BANP: variants seen among roughly 807,000 people sequenced by gnomAD.
The protein encoded by BANP is BTG3 associated nuclear protein.
BANP carries 11 observed loss-of-function variants against 68.1 expected under a neutral mutation model. The ratio of observed to expected loss-of-function variants is 0.16; its 90% CI spans 0.10 to 0.27. The LOEUF (loss-of-function observed/expected upper bound fraction) is 0.27. Ranked by LOEUF, BANP falls within the 10% of genes least tolerant of loss-of-function variation. The pLI is 1.00. For synonymous variants in BANP, 329 were observed against 303.2 expected (o/e 1.09, Z -0.88); for missense variants, 504 against 722.7 (o/e 0.70, Z 3.47).
intron 7 of BANP, among the ~76,000 whole-genome samples, chr16:88,019,498 C>G (rs2075392585): frequency 1.4e-5 from 2 of 147,080 alleles, no homozygotes; most frequent in African/African-American, 2.5e-5. Context: ...CGAAACAGGG[C>G]GAGCGAGGCA....
At chr16:88,067,054 ACACTCG>A (rs1318212292) in intron 12 of BANP, among the ~76,000 whole-genome samples, 1 of 152,044 alleles carries the variant, frequency 6.6e-6, no homozygotes, top group African/African-American at 2.4e-5. Flanking sequence ...ATAGGAATGC[ACACTCG>A]CTCTCTTTTT....
chr16:88,033,768 C>A (rs915879737), intron 9 of BANP, among the ~76,000 whole-genome samples: 1 of 152,198 alleles, frequency 6.6e-6, no homozygotes, highest in Non-Finnish European at 1.5e-5. Flanking sequence ...CTGCCTTGCC[C>A]GTGCGGAGTT....
At chr16:88,024,232 C>G (rs575674061) in intron 7 of BANP, among the ~76,000 whole-genome samples, 4 of 152,130 alleles carry the variant, frequency 2.6e-5, no homozygotes, top group Non-Finnish European at 5.9e-5. Context: ...CAGTGAGGGC[C>G]GCTGCTTCTT....
chr16:88,046,372 G>A (rs1240440063), intron 11 of BANP, among the ~76,000 whole-genome samples: 1 of 152,196 alleles, frequency 6.6e-6, no homozygotes, highest in African/African-American at 2.4e-5. Context: ...CCTCATCGCT[G>A]TAAAGCAATC....
chr16:88,030,867 C>T (rs1185261231), intron 8 of BANP, among the ~76,000 whole-genome samples: 4 of 152,152 alleles, frequency 2.6e-5, no homozygotes, highest in South Asian at 2.1e-4. Flanking sequence ...GTCATGGTGG[C>T]AGTGGGCTGG....
At chr16:88,020,123 A>C (rs6540154) in intron 7 of BANP, among the ~76,000 whole-genome samples, 148,142 of 152,314 alleles carry the variant, frequency 0.97, 72,166 homozygotes, top group East Asian at 1. Flanking sequence ...AAGCAGGTCA[A>C]GAGGATCAGA....
intron 7 of BANP, among the ~76,000 whole-genome samples, chr16:88,026,988 A>G (rs1224859332): frequency 6.6e-6 from 1 of 152,202 alleles, no homozygotes; most frequent in Non-Finnish European, 1.5e-5. Flanking sequence ...ATCCAGGGGG[A>G]TGGTGAAGCC....
intron 3 of BANP, among the ~76,000 whole-genome samples, chr16:87,981,486 A>G (rs1334201924): frequency 1.3e-5 from 2 of 152,104 alleles, no homozygotes; most frequent in African/African-American, 2.4e-5. Flanking sequence ...GGTTGATCTC[A>G]TTGACTAAAT....
chr16:88,058,495 A>T (rs1286330512), intron 11 of BANP, among the ~76,000 whole-genome samples: 2 of 152,242 alleles, frequency 1.3e-5, no homozygotes, highest in East Asian at 3.9e-4. Flanking sequence ...GTCATTTCTG[A>T]TCCACAGACC....
In BANP at chr16:88,036,622, G is replaced by A. The variant is rs1412895600; in HGVS notation, c.1272+1228G>A. ...CACATGCGTAAGGGTTCTGAGGGCG[G>A]AATGAGGATGAGGTGAAAGGGGAGG... On this transcript the variant is annotated intron_variant, in intron 10 of 13. Transcript: ENST00000682872. The surrounding 1 kb of genome is among the most constrained non-coding windows in gnomAD (Gnocchi z 4.2). 1.3e-5 allele frequency among the ~76,000 whole-genome samples: 2 copies of A among 152,156 alleles called. No homozygotes were observed. Among genetic ancestry groups the A allele is most frequent in the African/African-American group, 4.8e-5 (2 of 41,424 alleles).
intron 10 of BANP, 162 bp from the exon 11 acceptor site, chr16:88,037,811 T>C: frequency 1.5e-6 from 1 of 651,832 alleles, no homozygotes; most frequent in South Asian, 1.8e-5. Flanking sequence ...GTCAATATTT[T>C]GTTTTGGGGC....
At chr16:88,021,733 G>C (rs1283546277) in intron 7 of BANP, among the ~76,000 whole-genome samples, 1 of 152,206 alleles carries the variant, frequency 6.6e-6, no homozygotes, top group Non-Finnish European at 1.5e-5. Context: ...AGTGGAATTG[G>C]CCGCATTGCC....
chr16:88,027,661 T>A lies in BANP; in HGVS notation c.1063+11T>A. The A allele has an allele frequency of 6.2e-7, 1 of 1,612,660 alleles. No individual in the cohort carries two copies. The highest frequency in any genetic ancestry group is 8.5e-7 in the Non-Finnish European group (1 of 1,179,744). On this transcript the variant is annotated intron_variant, in intron 8 of 13. Transcript: ENST00000682872. ...CCTACTGCCCTTCAGGTAGGCCTCG[T>A]GCTGCAGGAGAGGCCGCCCTCCCCC...
At chr16:88,012,161 C>T (rs2073322895) in intron 6 of BANP, among the ~76,000 whole-genome samples, 3 of 152,242 alleles carry the variant, frequency 2.0e-5, no homozygotes, top group Admixed American at 2.0e-4. Context: ...AGTTATGGTT[C>T]ATCACGTCCT....
intron 11 of BANP, among the ~76,000 whole-genome samples, chr16:88,048,912 G>A (rs976654722): frequency 6.6e-6 from 1 of 152,192 alleles, no homozygotes; most frequent in African/African-American, 2.4e-5. Flanking sequence ...CAGTGTCTTC[G>A]TCAGGTGTGG....
rs1311098769 is a variant in BANP at position 88,068,964 on chromosome 16, GTGCACCCAGCCCAGCCCCCTGCCCC to G, written c.1378-3087_1378-3063del. Reference sequence around the variant, plus strand: ...TGCTCTCTCTTTCCTGCCCCTGTCCGTGCACCCAGCCCAGCCCCCTGCCCCTGCACCCAGCCCAGCCCAGCCCCCT... The same window carrying G: ...TGCTCTCTCTTTCCTGCCCCTGTCCGTGCACCCAGCCCAGCCCAGCCCCCT... On this transcript the variant is annotated intron_variant, in intron 12 of 13. Transcript: ENST00000682872. Among the ~76,000 whole-genome samples the G allele has an allele frequency of 9.9e-5, 15 of 151,714 alleles. No individual in the cohort carries two copies. In the South Asian group the frequency reaches 2.3e-3, roughly 23 times the overall value.
At chr16:88,024,616 G>A (rs542734679) in intron 7 of BANP, among the ~76,000 whole-genome samples, 1 of 152,328 alleles carries the variant, frequency 6.6e-6, no homozygotes, top group East Asian at 1.9e-4. Flanking sequence ...TGCGGGCGGC[G>A]CCTGCACCCG....
chr16:88,076,291 G>T (rs562556784), intron 13 of BANP, among the ~76,000 whole-genome samples: 1 of 152,174 alleles, frequency 6.6e-6, no homozygotes, highest in Non-Finnish European at 1.5e-5. Flanking sequence ...CAGCGGGTTG[G>T]GGGTGGAGAG....
intron 1 of BANP, among the ~76,000 whole-genome samples, chr16:87,964,108 C>T (rs2059638450): frequency 6.6e-6 from 1 of 152,224 alleles, no homozygotes; most frequent in Non-Finnish European, 1.5e-5. Context: ...TTAATTATAG[C>T]ACAGTCCTTA....
Sources: allele counts gnomAD v4.1 joint callset (sites outside exome capture counted in the v4.1 genomes callset), GRCh38; gene constraint gnomAD v4.1.1; non-coding constraint Gnocchi (gnomAD v3.1); transcripts MANE v1.5; gene names NCBI Gene and HGNC (gene_info 2026-07-23, HGNC 2026-07-21).